The following KCNQ1OT1 variants were observed in gnomAD, a reference collection of about 807,000 sequenced individuals.
The protein encoded by KCNQ1OT1 is KCNQ1 opposite strand/antisense transcript 1.
In KCNQ1OT1 at chr11:2,670,534, C is replaced by T. The variant is rs1850164456; in HGVS notation, n.29461G>A. On this transcript the variant is annotated non_coding_transcript_exon_variant, in exon 1 of 1. Coordinates refer to ENST00000597346, the Ensembl canonical transcript of KCNQ1OT1. The surrounding 1 kb of genome is among the most constrained non-coding windows in gnomAD (Gnocchi z 4.9). ...CTCACAGAAGGGGAAATTGAAGCCTCAAGAAGGATAGGGACTTGCCAGTAT... is the reference window on the plus strand; with the variant it reads ...CTCACAGAAGGGGAAATTGAAGCCTTAAGAAGGATAGGGACTTGCCAGTAT... 2 of 397,760 alleles carry T rather than the reference C, an allele frequency of 5.0e-6. No homozygotes were observed. Among genetic ancestry groups the T allele is most frequent in the Non-Finnish European group, 8.9e-6 (2 of 225,922 alleles). 24.6% of individuals were successfully genotyped at this position (397,760 alleles called of 1,614,324 possible). A position where few individuals can be genotyped will look rare whatever the true frequency, so the allele number is the denominator to read the frequency against.
In KCNQ1OT1 at chr11:2,641,480, A is replaced by T. The variant is rs1849576248; in HGVS notation, n.58515T>A. The T allele has an allele frequency of 3.0e-5, 12 of 397,668 alleles. No homozygotes were observed. In the South Asian group the frequency reaches 1.4e-3, roughly 47 times the overall value. 24.6% of individuals were successfully genotyped at this position (397,668 alleles called of 1,614,324 possible). A position where few individuals can be genotyped will look rare whatever the true frequency, so the allele number is the denominator to read the frequency against. On this transcript the variant is annotated non_coding_transcript_exon_variant, in exon 1 of 1. Transcript: ENST00000597346. ...ATGTCTTTTGCTCACTTTTTATTGG[A>T]ATTAATTTGTTGTTTACTATTGAGT...
At chr11:2,648,893 T>TATA in exon 1 of KCNQ1OT1, 1 of 398,496 alleles carries the variant, frequency 2.5e-6, no homozygotes, top group Non-Finnish European at 4.4e-6. Flanking sequence ...TCCAGTGTTG[T>TATA]TGGTTGCATA....
exon 1 of KCNQ1OT1, chr11:2,699,263 C>G (rs1057372060): frequency 1.0e-5 from 4 of 398,696 alleles, no homozygotes; most frequent in Admixed American, 4.4e-5. Context: ...TGGGAGCGCA[C>G]TGCCCAGGCC....
chr11:2,638,187 TA>T (rs1373610124), exon 1 of KCNQ1OT1: 1 of 152,234 alleles, frequency 6.6e-6, no homozygotes, highest in Non-Finnish European at 1.5e-5. Flanking sequence ...CATTTAAGGT[TA>T]ATATTGTTAT....
At chr11:2,675,032 C>T (rs1001102469) in exon 1 of KCNQ1OT1, 11 of 398,488 alleles carry the variant, frequency 2.8e-5, no homozygotes, top group African/African-American at 2.3e-4. Flanking sequence ...TGCCAGAGCC[C>T]AGGTGGGGGA....
rs1366777993 is a variant in KCNQ1OT1 at position 2,613,645 on chromosome 11, A to T, written n.86350T>A. The T allele has an allele frequency of 2.5e-6, 1 of 398,436 alleles. No individual in the cohort carries two copies. The highest frequency in any genetic ancestry group is 3.6e-5 in the East Asian group (1 of 28,086). The allele number at this position is 398,436 out of a possible 1,614,324, so 24.7% of individuals were successfully genotyped here. ...TCATTGCTTTTCAGGGAGTGGTTAT[A>T]TCAAGGTGCTCATTCCACCACCTCA... On this transcript the variant is annotated non_coding_transcript_exon_variant, in exon 1 of 1. Coordinates refer to ENST00000597346, the Ensembl canonical transcript of KCNQ1OT1. The surrounding 1 kb of genome is among the most constrained non-coding windows in gnomAD (Gnocchi z 4.8).
rs1347378096 is a variant in KCNQ1OT1 at position 2,664,778 on chromosome 11, G to T, written n.35217C>A. ...GGGTCTCACAGGGGGCAGAGTGGGT[G>T]GGAGGCAGTTACCAAAAAACATTTC... On this transcript the variant is annotated non_coding_transcript_exon_variant, in exon 1 of 1. Coordinates refer to ENST00000597346, the Ensembl canonical transcript of KCNQ1OT1. This position sits in a 1 kb window ranked among gnomAD's most constrained non-coding sequence, Gnocchi z 5.1. 1.0e-5 allele frequency: 4 copies of T among 398,636 alleles called. No individual in the cohort carries two copies. The highest frequency in any genetic ancestry group is 1.8e-5 in the Non-Finnish European group (4 of 226,178). The allele number at this position is 398,636 out of a possible 1,614,324, so 24.7% of individuals were successfully genotyped here. A position where few individuals can be genotyped will look rare whatever the true frequency, so the allele number is the denominator to read the frequency against.
exon 1 of KCNQ1OT1, chr11:2,618,448 A>G (rs1015943127): frequency 2.5e-6 from 1 of 398,476 alleles, no homozygotes; most frequent in East Asian, 3.6e-5. Flanking sequence ...AACGTCATTT[A>G]TGAGAGAGAC....
Position 2,613,666 on chromosome 11 carries a change from C to T in KCNQ1OT1, n.86329G>A, listed in dbSNP as rs1180316256. ...TTATATCAAGGTGCTCATTCCACCACCTCAGAAGTGGTCCCTATCTTGTTA... is the reference window on the plus strand; with the variant it reads ...TTATATCAAGGTGCTCATTCCACCATCTCAGAAGTGGTCCCTATCTTGTTA... On this transcript the variant is annotated non_coding_transcript_exon_variant, in exon 1 of 1. Transcript: ENST00000597346. This position sits in a 1 kb window ranked among gnomAD's most constrained non-coding sequence, Gnocchi z 4.8. 1 of 398,460 alleles carries T rather than the reference C, an allele frequency of 2.5e-6. No homozygotes were observed. Among genetic ancestry groups the T allele is most frequent in the East Asian group, 3.6e-5 (1 of 28,090 alleles). The allele number at this position is 398,460 out of a possible 1,614,324, so 24.7% of individuals were successfully genotyped here. A position where few individuals can be genotyped will look rare whatever the true frequency, so the allele number is the denominator to read the frequency against.
At chr11:2,625,587 T>A in exon 1 of KCNQ1OT1, 1 of 398,084 alleles carries the variant, frequency 2.5e-6, no homozygotes, top group Non-Finnish European at 4.4e-6. Flanking sequence ...CCTTTTTTTT[T>A]TTTTTTTGAG....
chr11:2,627,352 T>C lies in KCNQ1OT1; in HGVS notation n.72643A>G, dbSNP rs934361998. ...ACCTAAGCTATACTCTCTTAGCAAATTCCAAGTATAGAATATATTAACTAT... is the reference window on the plus strand; with the variant it reads ...ACCTAAGCTATACTCTCTTAGCAAACTCCAAGTATAGAATATATTAACTAT... On this transcript the variant is annotated non_coding_transcript_exon_variant, in exon 1 of 1. Coordinates refer to ENST00000597346, the Ensembl canonical transcript of KCNQ1OT1. The surrounding 1 kb of genome is among the most constrained non-coding windows in gnomAD (Gnocchi z 4.9). The C allele has an allele frequency of 5.0e-6, 2 of 398,516 alleles. No homozygotes were observed. Among genetic ancestry groups the C allele is most frequent in the Non-Finnish European group, 8.8e-6 (2 of 226,040 alleles). The allele number at this position is 398,516 out of a possible 1,614,324, so 24.7% of individuals were successfully genotyped here.
At chr11:2,636,791 T>A (rs1225920891) in exon 1 of KCNQ1OT1, 1 of 152,258 alleles carries the variant, frequency 6.6e-6, no homozygotes, top group African/African-American at 2.4e-5. Flanking sequence ...TCTGGTAGAA[T>A]TCGGCTGTGA....
Position 2,620,059 on chromosome 11 carries a change from T to C in KCNQ1OT1, n.79936A>G, listed in dbSNP as rs1215275384. 2.0e-5 allele frequency: 8 copies of C among 398,284 alleles called. No individual in the cohort carries two copies. The highest frequency in any genetic ancestry group is 3.5e-5 in the Non-Finnish European group (8 of 226,050). The allele number at this position is 398,284 out of a possible 1,614,324, so 24.7% of individuals were successfully genotyped here. A position where few individuals can be genotyped will look rare whatever the true frequency, so the allele number is the denominator to read the frequency against. On this transcript the variant is annotated non_coding_transcript_exon_variant, in exon 1 of 1. Transcript: ENST00000597346. This position sits in a 1 kb window ranked among gnomAD's most constrained non-coding sequence, Gnocchi z 4.5. The stretch of plus-strand genomic sequence containing the variant: ...CCCCAGTGTCTACTGATCATCTTTA[T>C]GTCCATGTTTACTCAGTGTTTAGGT...
exon 1 of KCNQ1OT1, chr11:2,619,213 T>C (rs545459502): frequency 1.1e-4 from 42 of 398,558 alleles, no homozygotes; most frequent in Non-Finnish European, 1.1e-4. Context: ...CAGTACTATG[T>C]TGAGTAGTAG....
rs184731749 is a variant in KCNQ1OT1 at position 2,673,091 on chromosome 11, C to A, written n.26904G>T. On this transcript the variant is annotated non_coding_transcript_exon_variant, in exon 1 of 1. Coordinates refer to ENST00000597346, the Ensembl canonical transcript of KCNQ1OT1. This position sits in a 1 kb window ranked among gnomAD's most constrained non-coding sequence, Gnocchi z 4.5. Reference sequence around the variant, plus strand: ...CTTCTCAGGCCACAGTAGGCCTTCACGGTACTCAGCAGGAGACCCCAGCAG... The same window carrying A: ...CTTCTCAGGCCACAGTAGGCCTTCAAGGTACTCAGCAGGAGACCCCAGCAG... 1 of 398,866 alleles carries A rather than the reference C, an allele frequency of 2.5e-6. No homozygotes were observed. Among genetic ancestry groups the A allele is most frequent in the East Asian group, 3.6e-5 (1 of 28,066 alleles). The allele number at this position is 398,866 out of a possible 1,614,324, so 24.7% of individuals were successfully genotyped here.
Position 2,687,555 on chromosome 11 carries a change from C to A in KCNQ1OT1, n.12440G>T. 2 of 398,722 alleles carry A rather than the reference C, an allele frequency of 5.0e-6. No individual in the cohort carries two copies. Among genetic ancestry groups the A allele is most frequent in the Non-Finnish European group, 4.4e-6 (1 of 226,154 alleles). The allele number at this position is 398,722 out of a possible 1,614,324, so 24.7% of individuals were successfully genotyped here. On this transcript the variant is annotated non_coding_transcript_exon_variant, in exon 1 of 1. Transcript: ENST00000597346. This position sits in a 1 kb window ranked among gnomAD's most constrained non-coding sequence, Gnocchi z 5.0. ...CCTTCCCTGGTGCACCTACCACAGC[C>A]CACTCTGATGACCCCCTGTCAAGGA...
rs1474768222 is a variant in KCNQ1OT1 at position 2,654,635 on chromosome 11, G to A, written n.45360C>T. ...GTTACTAGGAAGGGCCCAGACACTG[G>A]CGAGAGTCTCTTGAGGGCAGAGGGC... On this transcript the variant is annotated non_coding_transcript_exon_variant, in exon 1 of 1. Coordinates refer to ENST00000597346, the Ensembl canonical transcript of KCNQ1OT1. The surrounding 1 kb of genome is among the most constrained non-coding windows in gnomAD (Gnocchi z 6.4). The A allele has an allele frequency of 7.5e-6, 3 of 398,714 alleles. No individual in the cohort carries two copies. In the East Asian group the frequency reaches 1.1e-4, roughly 14 times the overall value. The allele number at this position is 398,714 out of a possible 1,614,324, so 24.7% of individuals were successfully genotyped here. A position where few individuals can be genotyped will look rare whatever the true frequency, so the allele number is the denominator to read the frequency against.
At chr11:2,615,187 T>C (rs1849041482) in exon 1 of KCNQ1OT1, 1 of 398,154 alleles carries the variant, frequency 2.5e-6, no homozygotes, top group South Asian at 1.3e-4. Flanking sequence ...ATTGACTTCC[T>C]TCTTGGGCTG....
At position 2,661,801 on chromosome 11, in the gene KCNQ1OT1, A is replaced by G. The variant is rs1325982292; in HGVS notation, n.38194T>C. ...CACTTTGGGGCCATCTTAAACACCC[A>G]CCCACCCCAACACCCAACTATAAAA... On this transcript the variant is annotated non_coding_transcript_exon_variant, in exon 1 of 1. Coordinates refer to ENST00000597346, the Ensembl canonical transcript of KCNQ1OT1. This position sits in a 1 kb window ranked among gnomAD's most constrained non-coding sequence, Gnocchi z 5.9. 2.5e-6 allele frequency: 2 copies of G among 796,984 alleles called. No individual in the cohort carries two copies. The highest frequency in any genetic ancestry group is 3.4e-5 in the African/African-American group (2 of 58,330). 49.4% of individuals were successfully genotyped at this position (796,984 alleles called of 1,614,324 possible).
Sources: gnomAD v4.1 joint callset for allele counts on GRCh38, gnomAD v4.1.1 for gene constraint, Gnocchi (gnomAD v3.1) non-coding constraint, MANE v1.5 for transcripts, NCBI Gene and HGNC (gene_info 2026-07-23, HGNC 2026-07-21) for gene names.